Variants in DTHD1 observed in about 807,000 individuals in gnomAD.
DTHD1 encodes the protein death domain-containing protein 1.
Under a neutral mutation model 74.8 loss-of-function variants are expected in DTHD1, and 59 were observed. The observed-to-expected ratio is 0.79, with a 90% CI of 0.64 to 0.98. The LOEUF is 0.98. DTHD1 is among the 50% of genes least tolerant of loss of function. DTHD1 has a pLI of 0.00. For synonymous variants in DTHD1, 365 were observed against 371.1 expected (o/e 0.98, Z 0.19); for missense variants, 1,051 against 1,065.4 (o/e 0.99, Z 0.19).
chr4:36,341,365 C>T (rs187553387), intron 9 of DTHD1, among the ~76,000 whole-genome samples: 192 of 152,038 alleles, frequency 1.3e-3, no homozygotes, highest in African/African-American at 4.6e-3. Context: ...CCAGCAAACA[C>T]AGAGGAATGA....
At chr4:36,321,140 C>A (rs1049583865) in intron 8 of DTHD1, among the ~76,000 whole-genome samples, 1 of 152,148 alleles carries the variant, frequency 6.6e-6, no homozygotes, top group Non-Finnish European at 1.5e-5. Flanking sequence ...AAAGGCTCAA[C>A]GTATAGTGGT....
At chr4:36,315,436 G>T (rs1337959072) in intron 7 of DTHD1, 2 of 152,132 alleles carry the variant, frequency 1.3e-5, no homozygotes, top group African/African-American at 4.8e-5. Context: ...TGTTCATTAC[G>T]GTAGCCATTA....
intron 2 of DTHD1, among the ~76,000 whole-genome samples, chr4:36,286,134 T>A (rs1755697614): frequency 6.6e-6 from 1 of 152,254 alleles, no homozygotes. Context: ...TGGTTGAGGA[T>A]ATTCAGTGCA....
chr4:36,284,128 A>G lies in DTHD1; in HGVS notation c.424A>G (p.Thr142Ala), dbSNP rs1755557100. Residue 142 changes from threonine (T) to alanine (A), a missense_variant, in exon 2 of 10, where the codon ACC (threonine) becomes GCC (alanine). Thr to Ala is a moderately conservative substitution (Grantham distance 58). Transcript: ENST00000639862. ...PQQTMSSIQD[T>A]KAADIAARGE... Reference sequence around the variant, plus strand: ...GCAGACAATGTCCTCCATTCAAGATACCAAAGCAGCAGACATTGCTGCAAG... The same window carrying G: ...GCAGACAATGTCCTCCATTCAAGATGCCAAAGCAGCAGACATTGCTGCAAG... 6.5e-7 allele frequency: 1 copy of G among 1,537,264 alleles called. No homozygotes were observed. Among genetic ancestry groups the G allele is most frequent in the African/African-American group, 1.4e-5 (1 of 73,196 alleles).
chr4:36,338,866 G>A (rs1479344460), intron 8 of DTHD1, among the ~76,000 whole-genome samples: 2 of 152,112 alleles, frequency 1.3e-5, no homozygotes, highest in East Asian at 3.8e-4. Flanking sequence ...TAATCTGAGT[G>A]CTATAATAAT....
intron 8 of DTHD1, among the ~76,000 whole-genome samples, chr4:36,334,339 C>T (rs1195462010): frequency 6.8e-6 from 1 of 146,020 alleles, no homozygotes; most frequent in African/African-American, 2.6e-5. Context: ...AGAACCACTG[C>T]CTACTTTTAT....
intron 5 of DTHD1, among the ~76,000 whole-genome samples, chr4:36,301,618 T>C (rs1401386976): frequency 6.6e-6 from 1 of 152,224 alleles, no homozygotes; most frequent in Non-Finnish European, 1.5e-5. Flanking sequence ...ATTAATTCAC[T>C]TATAACTAAG....
chr4:36,311,809 C>T (rs1029232708), intron 7 of DTHD1: 11 of 152,054 alleles, frequency 7.2e-5, no homozygotes, highest in Non-Finnish European at 1.5e-4. Flanking sequence ...TTAGAATAAA[C>T]TCAGTATTCA....
chr4:36,310,072 G>T (rs866006857), intron 7 of DTHD1, among the ~76,000 whole-genome samples: 1 of 152,162 alleles, frequency 6.6e-6, no homozygotes, highest in Non-Finnish European at 1.5e-5. Flanking sequence ...TGGTGTATAT[G>T]TACCACATTT....
chr4:36,297,158 A>AGGG (rs1756470566), intron 5 of DTHD1, among the ~76,000 whole-genome samples: 1 of 152,170 alleles, frequency 6.6e-6, no homozygotes, highest in Admixed American at 6.5e-5. Context: ...GAGGAAGAGG[A>AGGG]GGGGTTGGTC....
At position 36,290,719 on chromosome 4, in the gene DTHD1, G is replaced by C. The variant is rs370788358; in HGVS notation, c.1218+16G>C. 1.4e-4 allele frequency: 206 copies of C among 1,518,032 alleles called. No individual in the cohort carries two copies. In the African/African-American group the frequency reaches 2.3e-3, roughly 17 times the overall value. 94.0% of individuals were successfully genotyped at this position (1,518,032 alleles called of 1,614,324 possible). On this transcript the variant is annotated intron_variant, in intron 3 of 9. Coordinates refer to ENST00000639862, the MANE Select transcript of DTHD1 (RefSeq NM_001170700.3). ...AGGTTATAAGGTTAGTAAATTCTTG[G>C]CTATATCTACATTTGCTGTTTGGCT...
intron 5 of DTHD1, among the ~76,000 whole-genome samples, chr4:36,298,278 A>G (rs1756564256): frequency 6.6e-6 from 1 of 152,072 alleles, no homozygotes; most frequent in Admixed American, 6.6e-5. Context: ...ATTCTTTTTT[A>G]CATGTCATGA....
In DTHD1 at chr4:36,295,034, C is replaced by T; in HGVS notation, c.1638C>T (p.Phe546=). The T allele has an allele frequency of 6.5e-7, 1 of 1,531,918 alleles. No individual in the cohort carries two copies. Among genetic ancestry groups the T allele is most frequent in the South Asian group, 1.2e-5 (1 of 82,112 alleles). The allele number at this position is 1,531,918 out of a possible 1,614,324, so 94.9% of individuals were successfully genotyped here. Residue 546 remains phenylalanine, a synonymous_variant, in exon 5 of 10, where the codon TTC becomes TTT. Coordinates refer to ENST00000639862, the MANE Select transcript of DTHD1 (RefSeq NM_001170700.3). ...ATINRITPSY[F]NRTKIASIRK... is the part of the protein sequence containing the mutation. ...TAAATAGGATTACACCTTCGTATTT[C>T]AACCGGTGAGTAAGTTTCTAATATT...
intron 9 of DTHD1, among the ~76,000 whole-genome samples, 152 bp from the exon 10 acceptor site, chr4:36,343,350 T>C (rs1759425223): frequency 1.3e-5 from 2 of 152,174 alleles, no homozygotes; most frequent in African/African-American, 4.8e-5. Context: ...CAGAGGCTTT[T>C]GATTGTTGCT....
At chr4:36,282,438 G>GT (rs1755454089) in intron 1 of DTHD1, among the ~76,000 whole-genome samples, 1 of 152,104 alleles carries the variant, frequency 6.6e-6, no homozygotes, top group South Asian at 2.1e-4. Context: ...CTAGTAGTTT[G>GT]TTTTTTATAT....
chr4:36,281,791 G>A lies in DTHD1; in HGVS notation c.33G>A (p.Leu11=). The A allele has an allele frequency of 8.1e-7, 1 of 1,240,702 alleles. No individual in the cohort carries two copies. Among genetic ancestry groups the A allele is most frequent in the Non-Finnish European group, 1.0e-6 (1 of 991,104 alleles). 76.9% of individuals were successfully genotyped at this position (1,240,702 alleles called of 1,614,324 possible). The part of the protein sequence containing the change: MDMEYMGSGK[L]GQILKQIWRQ... ...TGGAATACATGGGCTCAGGTAAACT[G>A]GGCCAAATATTGAAGCAGATTTGGA... The change falls in exon 1 of 10, where the codon CTG becomes CTA. Residue 11 remains leucine, a synonymous_variant. Transcript: ENST00000639862.
chr4:36,290,560 C>A lies in DTHD1; in HGVS notation c.1075C>A (p.Pro359Thr), dbSNP rs534797041. ...ATGCTCAGATAAGGAAAAGAGAGTT[C>A]CATTTCCAATAGGCATTGCAATTCC... ...IECSDKEKRV[P>T]FPIGIAIPFT... Residue 359 changes from proline to threonine, a missense_variant, in exon 3 of 10, where the codon CCA (proline) becomes ACA (threonine). Coordinates refer to ENST00000639862, the MANE Select transcript of DTHD1 (RefSeq NM_001170700.3). 7 of 1,551,540 alleles carry A rather than the reference C, an allele frequency of 4.5e-6. No individual in the cohort carries two copies. The highest frequency in any genetic ancestry group is 1.7e-4 in the Middle Eastern group (1 of 5,990).
Position 36,316,267 on chromosome 4 carries a change from C to A in DTHD1, c.2121C>A (p.Asp707Glu). 6.4e-7 allele frequency: 1 copy of A among 1,551,524 alleles called. No individual in the cohort carries two copies. Among genetic ancestry groups the A allele is most frequent in the Non-Finnish European group, 8.7e-7 (1 of 1,146,878 alleles). ...GCAACGGGAAGGATTATGGAAAAGA[C>A]TACACACTTATTTTTCACTTGCAAA... ...ASSNGKDYGKDYTLIFHLQRK... is the reference protein window; with the variant it reads ...ASSNGKDYGKEYTLIFHLQRK... The change falls in exon 8 of 10, where the codon GAC (aspartate) becomes GAA (glutamate). Residue 707 changes from aspartate (D) to glutamate (E), a missense_variant. Asp to Glu is a conservative substitution (Grantham distance 45). Transcript: ENST00000639862.
intron 8 of DTHD1, among the ~76,000 whole-genome samples, chr4:36,336,031 C>T (rs1313483538): frequency 6.6e-6 from 1 of 152,196 alleles, no homozygotes; most frequent in African/African-American, 2.4e-5. Flanking sequence ...AAATATGACA[C>T]ATCTGTACAT....
Sources: gnomAD v4.1 joint callset for allele counts (sites outside exome capture counted in the v4.1 genomes callset) on GRCh38, gnomAD v4.1.1 for gene constraint, MANE v1.5 for transcripts, NCBI Gene and HGNC (gene_info 2026-07-23, HGNC 2026-07-21) for gene names.